The following SH3GL3 variants were observed in gnomAD, a reference collection of about 807,000 sequenced individuals.
SH3GL3 encodes endophilin-A3.
SH3GL3 carries 33 observed loss-of-function variants against 47.7 expected under a neutral mutation model. The ratio of observed to expected loss-of-function variants is 0.69; its 90% CI spans 0.52 to 0.92. The LOEUF (loss-of-function observed/expected upper bound fraction) is 0.92. Among genes scored for constraint, SH3GL3 ranks in the 40% least tolerant of loss-of-function variants. The pLI, the probability that SH3GL3 is intolerant of heterozygous loss-of-function variation, is 0.00. For missense variants in SH3GL3, 363 were observed against 417.8 expected (o/e 0.87, Z 1.14); for synonymous variants, 155 against 148.8 (o/e 1.04, Z -0.30).
chr15:83,552,176 C>T (rs1023914703), intron 1 of SH3GL3, among the ~76,000 whole-genome samples: 4 of 152,182 alleles, frequency 2.6e-5, no homozygotes, highest in Admixed American at 2.0e-4. Context: ...AGCAAATTGG[C>T]ACAGTTGGTA....
At position 83,447,613 on chromosome 15, in the gene SH3GL3, G is replaced by C; in HGVS notation, c.45+35G>C. The C allele has an allele frequency of 1.4e-6, 2 of 1,435,744 alleles. No homozygotes were observed. The highest frequency in any genetic ancestry group is 1.9e-6 in the Non-Finnish European group (2 of 1,071,352). 88.9% of individuals were successfully genotyped at this position (1,435,744 alleles called of 1,614,324 possible). ...CGCAGAGGAGGGAAGGAGGGAGGGG[G>C]ACGCGGAGGCTGCGGCCCCCCGAGG... On this transcript the variant is annotated intron_variant, in intron 1 of 8. Transcript: ENST00000427482. This position sits in a 1 kb window ranked among gnomAD's most constrained non-coding sequence, Gnocchi z 5.1.
chr15:83,580,980 A>C (rs1486395016), intron 6 of SH3GL3, among the ~76,000 whole-genome samples: 1 of 152,228 alleles, frequency 6.6e-6, no homozygotes, highest in Non-Finnish European at 1.5e-5. Context: ...ATCCTCTGAG[A>C]TGGGTGTGCT....
chr15:83,605,160 A>G (rs2060483572), intron 8 of SH3GL3, among the ~76,000 whole-genome samples: 2 of 152,166 alleles, frequency 1.3e-5, no homozygotes, highest in African/African-American at 4.8e-5. Flanking sequence ...AGTGTCCCAT[A>G]TTCTCCACTG....
intron 4 of SH3GL3, among the ~76,000 whole-genome samples, chr15:83,571,707 T>C (rs1470974697): frequency 6.6e-6 from 1 of 152,152 alleles, no homozygotes; most frequent in Non-Finnish European, 1.5e-5. Context: ...TACGGTCTTC[T>C]TCAAGCCTAG....
At chr15:83,588,925 C>T (rs2060020807) in intron 8 of SH3GL3, among the ~76,000 whole-genome samples, 154 bp downstream of exon 8, 1 of 152,156 alleles carries the variant, frequency 6.6e-6, no homozygotes, top group African/African-American at 2.4e-5. Context: ...TAAACGTGCC[C>T]CTTTTTTCTG....
intron 4 of SH3GL3, among the ~76,000 whole-genome samples, chr15:83,571,598 T>C (rs1398733370): frequency 6.7e-6 from 1 of 149,914 alleles, no homozygotes; most frequent in African/African-American, 2.5e-5. Flanking sequence ...TTAAGGGAGG[T>C]GAGGCACATG....
chr15:83,559,459 G>T, intron 2 of SH3GL3, 138 bp downstream of exon 2: 1 of 604,394 alleles, frequency 1.7e-6, no homozygotes. Flanking sequence ...CTACAAGGCA[G>T]TACTTTCCCA....
Position 83,618,304 on chromosome 15 carries a change from C to G in SH3GL3, c.*17C>G, listed in dbSNP as rs1343776385. 1 of 1,486,410 alleles carries G rather than the reference C, an allele frequency of 6.7e-7. No individual in the cohort carries two copies. Among genetic ancestry groups the G allele is most frequent in the Non-Finnish European group, 9.4e-7 (1 of 1,063,688 alleles). 92.1% of individuals were successfully genotyped at this position (1,486,410 alleles called of 1,614,324 possible). On this transcript the variant is annotated 3_prime_UTR_variant, in exon 9 of 9. Transcript: ENST00000427482. The stretch of plus-strand genomic sequence containing the variant: ...CCTCAGTAAATGTGTAACACAAACT[C>G]TGGACATACTTTCGTAACTGAAATG...
At chr15:83,508,149 C>A (rs542360292) in intron 1 of SH3GL3, among the ~76,000 whole-genome samples, 1 of 152,078 alleles carries the variant, frequency 6.6e-6, no homozygotes, top group East Asian at 1.9e-4. Context: ...ACCATGTTGG[C>A]TAGGATGGTC....
At chr15:83,626,503 T>C in the SH3GL3 span, among the ~76,000 whole-genome samples, 1 of 152,226 alleles carries the variant, frequency 6.6e-6, no homozygotes, top group African/African-American at 2.4e-5. Flanking sequence ...GAAGCCCCTT[T>C]GCCTAGAGAT....
chr15:83,619,752 CTGAT>C (rs937983331), downstream of SH3GL3, among the ~76,000 whole-genome samples: 5 of 152,200 alleles, frequency 3.3e-5, no homozygotes, highest in African/African-American at 9.7e-5. Context: ...TAGCCACTGA[CTGAT>C]CAGGGTGGGG....
chr15:83,468,895 T>C (rs1026974551), intron 1 of SH3GL3, among the ~76,000 whole-genome samples: 1 of 151,966 alleles, frequency 6.6e-6, no homozygotes, highest in Non-Finnish European at 1.5e-5. Context: ...AAGGAGATTG[T>C]GTAGAATTGG....
At chr15:83,516,117 A>G (rs2042970685) in intron 1 of SH3GL3, among the ~76,000 whole-genome samples, 1 of 135,970 alleles carries the variant, frequency 7.4e-6, no homozygotes, top group South Asian at 2.7e-4. Context: ...GGGGAGGGAT[A>G]CATGGGGGGC....
chr15:83,525,148 T>C (rs961043856), intron 1 of SH3GL3, among the ~76,000 whole-genome samples: 1 of 152,146 alleles, frequency 6.6e-6, no homozygotes, highest in Admixed American at 6.5e-5. Context: ...GTTCTCTTTT[T>C]TTCATGTTAT....
chr15:83,509,070 G>C (rs954330271), intron 1 of SH3GL3, among the ~76,000 whole-genome samples: 1 of 152,214 alleles, frequency 6.6e-6, no homozygotes, highest in Non-Finnish European at 1.5e-5. Context: ...GGGCATTTTA[G>C]CGTGCATTAA....
intron 1 of SH3GL3, among the ~76,000 whole-genome samples, chr15:83,522,431 G>T (rs538086257): frequency 6.6e-6 from 1 of 152,148 alleles, no homozygotes; most frequent in Non-Finnish European, 1.5e-5. Flanking sequence ...TCCATCTTCC[G>T]TAAGTGCTGG....
chr15:83,500,631 C>T (rs1023971849), intron 1 of SH3GL3, among the ~76,000 whole-genome samples: 10 of 152,228 alleles, frequency 6.6e-5, no homozygotes, highest in Admixed American at 1.3e-4. Flanking sequence ...CTATGGTGAA[C>T]CTCAACCAAT....
intron 1 of SH3GL3, among the ~76,000 whole-genome samples, chr15:83,472,312 T>C (rs1200839009): frequency 6.6e-6 from 1 of 152,226 alleles, no homozygotes; most frequent in Non-Finnish European, 1.5e-5. Flanking sequence ...TTCTTTTCCC[T>C]TCTCTTATTG....
chr15:83,546,286 AG>A (rs2044392358), intron 1 of SH3GL3, among the ~76,000 whole-genome samples: 1 of 151,806 alleles, frequency 6.6e-6, no homozygotes, highest in Admixed American at 6.6e-5. Flanking sequence ...CTCAAGCAGA[AG>A]GAGTCTCTGC....
Sources: gnomAD v4.1 joint callset for allele counts (sites outside exome capture counted in the v4.1 genomes callset) on GRCh38, gnomAD v4.1.1 for gene constraint, Gnocchi (gnomAD v3.1) non-coding constraint, MANE v1.5 for transcripts, NCBI Gene and HGNC (gene_info 2026-07-23, HGNC 2026-07-21) for gene names.